ESR1: variants seen among roughly 807,000 people sequenced by gnomAD.
The protein encoded by ESR1 is estrogen receptor.
A neutral mutation model predicts 52.7 loss-of-function variants in ESR1; 12 were observed. The ratio of observed to expected loss-of-function variants is 0.23; its 90% CI spans 0.15 to 0.37. The LOEUF (loss-of-function observed/expected upper bound fraction) is 0.37. Ranked by LOEUF, ESR1 falls within the 10% of genes least tolerant of loss-of-function variation. The pLI is 1.00. For missense variants in ESR1, 584 were observed against 779.7 expected (o/e 0.75, Z 2.99); for synonymous variants, 305 against 316.8 (o/e 0.96, Z 0.39).
intron 5 of ESR1, among the ~76,000 whole-genome samples, chr6:152,042,117 T>G (rs969129215): frequency 6.6e-6 from 1 of 152,168 alleles, no homozygotes; most frequent in African/African-American, 2.4e-5. Context: ...GATGCAATGT[T>G]GTGTTTGATT....
At chr6:152,083,534 C>T (rs2049420887) in intron 6 of ESR1, among the ~76,000 whole-genome samples, 1 of 152,196 alleles carries the variant, frequency 6.6e-6, no homozygotes, top group Non-Finnish European at 1.5e-5. Context: ...CCATTCAGGA[C>T]ATAGGCATGG....
At chr6:151,915,040 TG>T (rs1194750652) in intron 3 of ESR1, among the ~76,000 whole-genome samples, 1 of 152,188 alleles carries the variant, frequency 6.6e-6, no homozygotes, top group Non-Finnish European at 1.5e-5. Context: ...ATATTGTTTC[TG>T]GCTTTTAAAA....
intron 4 of ESR1, among the ~76,000 whole-genome samples, chr6:151,982,432 A>G (rs1404181699): frequency 6.6e-6 from 1 of 152,224 alleles, no homozygotes; most frequent in Non-Finnish European, 1.5e-5. Context: ...CACGTAGGTA[A>G]TATTAAATTT....
At chr6:151,990,920 C>A (rs908185242) in intron 4 of ESR1, among the ~76,000 whole-genome samples, 1 of 152,074 alleles carries the variant, frequency 6.6e-6, no homozygotes, top group Non-Finnish European at 1.5e-5. Flanking sequence ...TATCTATAAA[C>A]ATGTATAAAT....
chr6:151,835,064 A>G (rs2128221283), intron 1 of ESR1, among the ~76,000 whole-genome samples: 1 of 152,222 alleles, frequency 6.6e-6, no homozygotes, highest in East Asian at 1.9e-4. Flanking sequence ...TCCCTGGAGG[A>G]AATGCAGTTT....
In ESR1 at chr6:151,842,680, C is replaced by T. The variant is rs2128234445; in HGVS notation, c.536C>T (p.Ala179Val). 6.2e-7 allele frequency: 1 copy of T among 1,613,890 alleles called. No homozygotes were observed. The highest frequency in any genetic ancestry group is 1.1e-5 in the South Asian group (1 of 91,074). ...NDKGSMAMES[A>V]KETRYCAVCN... ...AAGGGAAGTATGGCTATGGAATCTG[C>T]CAAGGAGACTCGCTACTGTGCAGTG... The change falls in exon 2 of 8, where the codon GCC (alanine) becomes GTC (valine). Residue 179 changes from alanine (A) to valine (V), a missense_variant. Ala to Val is a moderately conservative substitution (Grantham distance 64). Coordinates refer to ENST00000206249, the MANE Select transcript of ESR1 (RefSeq NM_000125.4).
intron 2 of ESR1, among the ~76,000 whole-genome samples, chr6:151,870,814 C>T (rs1272127584): frequency 1.3e-5 from 2 of 152,072 alleles, no homozygotes; most frequent in African/African-American, 4.8e-5. Context: ...TCTTGACCCA[C>T]CCCATGTAGA....
At chr6:151,802,824 A>G (rs1049882765), upstream of ESR1, among the ~76,000 whole-genome samples, 5 of 152,266 alleles carry the variant, frequency 3.3e-5, no homozygotes, top group Non-Finnish European at 5.9e-5. Flanking sequence ...TCCTGTCTCA[A>G]CTAAACATAC....
chr6:151,678,687 G>GTTTT (rs565751558), intron 1 of ESR1, among the ~76,000 whole-genome samples: 4 of 141,654 alleles, frequency 2.8e-5, no homozygotes, highest in Admixed American at 7.2e-5. Flanking sequence ...CAAACCACTG[G>GTTTT]TTTTTTTTTT....
At chr6:151,757,250 A>G (rs1784362088) in intron 2 of ESR1, among the ~76,000 whole-genome samples, 1 of 151,562 alleles carries the variant, frequency 6.6e-6, no homozygotes, top group African/African-American at 2.4e-5. Flanking sequence ...AAAAAAAAAG[A>G]AAACATTTAA....
At chr6:151,864,933 T>A (rs1789586546) in intron 2 of ESR1, among the ~76,000 whole-genome samples, 1 of 109,730 alleles carries the variant, frequency 9.1e-6, no homozygotes, top group Non-Finnish European at 1.7e-5. Flanking sequence ...CACTGGGGCC[T>A]GTTGTGGGGT....
intron 3 of ESR1, among the ~76,000 whole-genome samples, chr6:151,934,294 C>T (rs2034085932): frequency 6.6e-6 from 1 of 152,154 alleles, no homozygotes; most frequent in East Asian, 1.9e-4. Flanking sequence ...TTTGTTTTTT[C>T]CCCTAGCACT....
intron 2 of ESR1, among the ~76,000 whole-genome samples, chr6:151,769,398 C>G (rs1305310787): frequency 3.3e-5 from 5 of 152,112 alleles, no homozygotes; most frequent in Non-Finnish European, 7.4e-5. Flanking sequence ...TATTCTAATT[C>G]TCAATAGCCC....
intron 2 of ESR1, among the ~76,000 whole-genome samples, chr6:151,851,052 A>G (rs1218065191): frequency 1.3e-5 from 2 of 152,132 alleles, no homozygotes; most frequent in Non-Finnish European, 2.9e-5. Context: ...TCCATAGCCC[A>G]TGGAATGGTC....
intron 3 of ESR1, among the ~76,000 whole-genome samples, chr6:151,896,467 G>A (rs1795522682): frequency 6.6e-6 from 1 of 152,076 alleles, no homozygotes; most frequent in African/African-American, 2.4e-5. Flanking sequence ...TCTAGTTTAT[G>A]TGTGTAAAGG....
At chr6:151,666,574 T>G (rs928258779) in intron 1 of ESR1, among the ~76,000 whole-genome samples, 4 of 152,138 alleles carry the variant, frequency 2.6e-5, no homozygotes, top group African/African-American at 9.7e-5. Flanking sequence ...TCTCTGTTCC[T>G]TCAAAGTACT....
At chr6:152,044,881 A>G (rs1229647862) in intron 5 of ESR1, among the ~76,000 whole-genome samples, 1 of 152,192 alleles carries the variant, frequency 6.6e-6, no homozygotes, top group Non-Finnish European at 1.5e-5. Flanking sequence ...ACTCAGGAAC[A>G]ATACTTTGCA....
chr6:151,788,487 CTT>C (rs145387702), intron 2 of ESR1, among the ~76,000 whole-genome samples: 35,371 of 152,032 alleles, frequency 0.23, 5,019 homozygotes, highest in Middle Eastern at 0.38. Context: ...AATGGGAACA[CTT>C]ATATAATGTT....
intron 6 of ESR1, among the ~76,000 whole-genome samples, chr6:152,092,596 A>G (rs1358380980): frequency 1.4e-4 from 22 of 152,316 alleles, no homozygotes; most frequent in Admixed American, 1.2e-3. Context: ...TGTTTGTGAG[A>G]TGGTCAGTGG....
Sources: allele counts gnomAD v4.1 joint callset (sites outside exome capture counted in the v4.1 genomes callset), GRCh38; gene constraint gnomAD v4.1.1; transcripts MANE v1.5; gene names NCBI Gene and HGNC (gene_info 2026-07-23, HGNC 2026-07-21).